Variants in HPSE2 observed in about 807,000 individuals in gnomAD.
HPSE2 encodes the protein inactive heparanase-2.
Under a neutral mutation model 60.5 loss-of-function variants are expected in HPSE2, and 38 were observed. The ratio of observed to expected loss-of-function variants is 0.63; its 90% CI spans 0.48 to 0.82. The LOEUF (loss-of-function observed/expected upper bound fraction) is 0.82. Ranked by LOEUF, HPSE2 falls within the 40% of genes least tolerant of loss-of-function variation. The probability of loss-of-function intolerance (pLI) is 0.00; values close to 1 mark genes in which losing one functional copy is unlikely to be tolerated. For synonymous variants in HPSE2, 295 were observed against 293.2 expected, an observed-to-expected ratio of 1.01 and a Z score of -0.06; for missense variants, 713 against 740.4, an observed-to-expected ratio of 0.96 and a Z score of 0.43.
chr10:98,600,948 G>A (rs374037632), intron 9 of HPSE2, among the ~76,000 whole-genome samples: 1 of 23,448 alleles, frequency 4.3e-5, no homozygotes, highest in South Asian at 7.0e-3. Context: ...TATAGAAAGA[G>A]AGAAAGAGAG....
rs1006241930 is a variant in HPSE2 at position 98,457,137 on chromosome 10, G to C, written c.*2437C>G. 4 of 152,114 alleles carry C rather than the reference G, an allele frequency of 2.6e-5. No homozygotes were observed. The highest frequency in any genetic ancestry group is 9.7e-5 in the African/African-American group (4 of 41,424). The allele number at this position is 152,114 out of a possible 1,614,324, so 9.4% of individuals were successfully genotyped here. On this transcript the variant is annotated 3_prime_UTR_variant, in exon 12 of 12. Coordinates refer to ENST00000370552, the MANE Select transcript of HPSE2 (RefSeq NM_021828.5). ...AAAAAATAAACAAAACTTAAATCTC[G>C]TGAGAGCAGCATTTAATACACAGAG...
rs185338031 is a variant in HPSE2, at chr10:99,126,861, G to A, written c.610+17377C>T. On this transcript the variant is annotated intron_variant, in intron 3 of 11. Transcript: ENST00000370552. The surrounding 1 kb of genome is among the most constrained non-coding windows in gnomAD (Gnocchi z 4.0). ...TCCCCAGAACCAGCTTGGAGCCTGG[G>A]AGCCCCACTTGATAGCGAGACCCAG... Among the ~76,000 whole-genome samples, 1 of 152,194 alleles carries A rather than the reference G, an allele frequency of 6.6e-6. No homozygotes were observed. Among genetic ancestry groups the A allele is most frequent in the Admixed American group, 6.5e-5 (1 of 15,292 alleles).
chr10:98,793,219 T>A (rs1032541116), intron 3 of HPSE2, among the ~76,000 whole-genome samples: 4 of 152,220 alleles, frequency 2.6e-5, no homozygotes, highest in Non-Finnish European at 5.9e-5. Flanking sequence ...CTTATGCATG[T>A]CCTATCCCTT....
chr10:99,222,287 G>T (rs759462193), intron 2 of HPSE2, among the ~76,000 whole-genome samples: 15 of 152,102 alleles, frequency 9.9e-5, no homozygotes, highest in Admixed American at 4.6e-4. Flanking sequence ...CTTAACCCCT[G>T]AGACATTTTG....
chr10:98,848,562 T>C (rs1323837577), intron 3 of HPSE2, among the ~76,000 whole-genome samples: 3 of 152,214 alleles, frequency 2.0e-5, no homozygotes, highest in Admixed American at 6.5e-5. Context: ...GTAATTTTTA[T>C]TGCTACACCA....
intron 3 of HPSE2, among the ~76,000 whole-genome samples, chr10:98,825,241 T>A (rs1019181960): frequency 2.0e-5 from 3 of 152,150 alleles, no homozygotes; most frequent in Non-Finnish European, 4.4e-5. Flanking sequence ...ATACTTGAGC[T>A]GAGCTTTCCT....
intron 3 of HPSE2, among the ~76,000 whole-genome samples, chr10:98,821,023 A>G (rs908698181): frequency 6.6e-6 from 1 of 152,204 alleles, no homozygotes; most frequent in African/African-American, 2.4e-5. Context: ...GAGACACATC[A>G]TGACTGTTCA....
chr10:98,765,081 C>G (rs1950090844), intron 3 of HPSE2, among the ~76,000 whole-genome samples: 1 of 152,066 alleles, frequency 6.6e-6, no homozygotes, highest in Admixed American at 6.5e-5. Context: ...TCTGCAATTA[C>G]AAATGGAGAC....
chr10:99,308,395 A>AAAAAAAAAC, the HPSE2 span, among the ~76,000 whole-genome samples: 1 of 149,182 alleles, frequency 6.7e-6, no homozygotes, highest in East Asian at 1.9e-4. Context: ...AAAAAAAAAA[A>AAAAAAAAAC]AGGAAACCAT....
chr10:98,528,215 C>T (rs1042275590), intron 9 of HPSE2, among the ~76,000 whole-genome samples: 6 of 152,088 alleles, frequency 3.9e-5, no homozygotes, highest in Non-Finnish European at 7.4e-5. Context: ...TAAAGGGATC[C>T]TCATCCCTGA....
intron 9 of HPSE2, among the ~76,000 whole-genome samples, chr10:98,598,699 C>T (rs1317012244): frequency 6.6e-6 from 1 of 152,080 alleles, no homozygotes; most frequent in Non-Finnish European, 1.5e-5. Context: ...CCTAGGCCCA[C>T]AGGGGCTGGC....
At chr10:99,021,556 A>G (rs775502759) in intron 3 of HPSE2, among the ~76,000 whole-genome samples, 1 of 152,090 alleles carries the variant, frequency 6.6e-6, no homozygotes, top group Non-Finnish European at 1.5e-5. Flanking sequence ...TAATTATGAC[A>G]CAACAGCAAA....
At chr10:99,099,013 C>T (rs913805589) in intron 3 of HPSE2, among the ~76,000 whole-genome samples, 10 of 152,076 alleles carry the variant, frequency 6.6e-5, no homozygotes, top group Non-Finnish European at 1.2e-4. Flanking sequence ...ATAGCATTCT[C>T]GTTCCAAGAT....
intron 4 of HPSE2, among the ~76,000 whole-genome samples, chr10:98,733,785 C>T (rs971504343): frequency 1.9e-4 from 28 of 151,216 alleles, no homozygotes; most frequent in Admixed American, 1.3e-4. Flanking sequence ...TGTAATCAAC[C>T]GGTGGCAAGA....
intron 4 of HPSE2, among the ~76,000 whole-genome samples, chr10:98,737,813 A>C (rs993956395): frequency 6.6e-6 from 1 of 152,196 alleles, no homozygotes; most frequent in African/African-American, 2.4e-5. Context: ...CCATTGCTCA[A>C]GGAAATAAGA....
At chr10:99,225,406 A>G (rs993334370) in intron 2 of HPSE2, among the ~76,000 whole-genome samples, 3 of 152,052 alleles carry the variant, frequency 2.0e-5, no homozygotes, top group African/African-American at 7.2e-5. Context: ...GAGGCCTGAA[A>G]CTAGATGCCT....
At chr10:98,714,470 G>C (rs948182065) in intron 5 of HPSE2, among the ~76,000 whole-genome samples, 1 of 151,832 alleles carries the variant, frequency 6.6e-6, no homozygotes, top group Non-Finnish European at 1.5e-5. Flanking sequence ...ATGGCCTTTT[G>C]TGACTGGCTT....
intron 4 of HPSE2, among the ~76,000 whole-genome samples, chr10:98,739,081 G>A (rs190605407): frequency 3.4e-4 from 52 of 152,136 alleles, no homozygotes; most frequent in African/African-American, 8.2e-4. Context: ...CCAAATGCCC[G>A]TCAGTGATAG....
intron 9 of HPSE2, among the ~76,000 whole-genome samples, chr10:98,526,542 T>C (rs185815010): frequency 3.9e-5 from 6 of 152,334 alleles, no homozygotes; most frequent in African/African-American, 1.2e-4. Flanking sequence ...ATTTCAGTGC[T>C]TGTGCTCAGG....
Sources: allele counts gnomAD v4.1 joint callset (sites outside exome capture counted in the v4.1 genomes callset), GRCh38; gene constraint gnomAD v4.1.1; non-coding constraint Gnocchi (gnomAD v3.1); transcripts MANE v1.5; gene names NCBI Gene and HGNC (gene_info 2026-07-23, HGNC 2026-07-21).